FHIT: variants seen among roughly 807,000 people sequenced by gnomAD.
FHIT encodes the protein fragile histidine triad diadenosine triphosphatase, also known as bis(5'-adenosyl)-triphosphatase.
Under a neutral mutation model 17.9 loss-of-function variants are expected in FHIT, and 19 were observed. That is an observed-to-expected ratio of 1.06 (90% CI 0.74 to 1.56). FHIT has a LOEUF of 1.56. Ranked by LOEUF, FHIT falls within the 40% of genes most tolerant of loss-of-function variation. The pLI is 0.00. For synonymous variants in FHIT, 81 were observed against 69.7 expected (o/e 1.16, Z -0.81); for missense variants, 248 against 189.2 (o/e 1.31, Z -1.82).
At chr3:60,710,876 T>TCTGCAGAC (rs1462889430) in intron 4 of FHIT, among the ~76,000 whole-genome samples, 1 of 152,090 alleles carries the variant, frequency 6.6e-6, no homozygotes, top group Non-Finnish European at 1.5e-5. Flanking sequence ...AGCAGTAACC[T>TCTGCAGAC]CTGCAGACTT....
intron 8 of FHIT, among the ~76,000 whole-genome samples, chr3:59,885,550 C>T (rs757753671): frequency 6.0e-5 from 9 of 151,066 alleles, no homozygotes; most frequent in Non-Finnish European, 7.4e-5. Flanking sequence ...TATTGGATTT[C>T]GGTTTAGTAG....
At chr3:60,640,296 C>G (rs1206004108) in intron 4 of FHIT, among the ~76,000 whole-genome samples, 4 of 151,266 alleles carry the variant, frequency 2.6e-5, no homozygotes, top group Non-Finnish European at 5.9e-5. Flanking sequence ...CCCCAATAAG[C>G]TTTTTTTTTC....
intron 5 of FHIT, among the ~76,000 whole-genome samples, chr3:60,367,207 T>G (rs534718035): frequency 3.3e-5 from 5 of 152,342 alleles, no homozygotes; most frequent in Admixed American, 3.3e-4. Context: ...TATCATTAGT[T>G]CCTTTCAATT....
At chr3:60,177,312 G>T (rs933781331) in intron 5 of FHIT, among the ~76,000 whole-genome samples, 1 of 149,746 alleles carries the variant, frequency 6.7e-6, no homozygotes, top group African/African-American at 2.4e-5. Flanking sequence ...CCTAGAATTT[G>T]ATAGTCAGTT....
At chr3:60,848,743 C>G (rs897738507) in intron 3 of FHIT, among the ~76,000 whole-genome samples, 1 of 152,082 alleles carries the variant, frequency 6.6e-6, no homozygotes, top group Non-Finnish European at 1.5e-5. Flanking sequence ...TACACAATGT[C>G]TAGCAGGTGG....
intron 4 of FHIT, among the ~76,000 whole-genome samples, chr3:60,551,327 A>G (rs2107624383): frequency 2.0e-5 from 3 of 149,294 alleles, no homozygotes; most frequent in Non-Finnish European, 4.4e-5. Context: ...TTACTATTGT[A>G]CATTAAAAAT....
chr3:60,390,165 A>T (rs1163486745), intron 5 of FHIT, among the ~76,000 whole-genome samples: 2 of 152,148 alleles, frequency 1.3e-5, no homozygotes, highest in African/African-American at 4.8e-5. Flanking sequence ...ACTTGTTTTA[A>T]ATTTGTCAAA....
intron 3 of FHIT, among the ~76,000 whole-genome samples, chr3:60,837,129 T>C (rs1553744001): frequency 6.6e-6 from 1 of 152,074 alleles, no homozygotes; most frequent in East Asian, 1.9e-4. Context: ...GATTAGCCCC[T>C]GGAACTTCTA....
intron 5 of FHIT, among the ~76,000 whole-genome samples, chr3:60,043,272 C>G (rs1471027005): frequency 1.3e-5 from 2 of 152,206 alleles, no homozygotes; most frequent in East Asian, 1.9e-4. Flanking sequence ...GACATTAAAC[C>G]CATGATAATA....
At chr3:61,105,543 T>G (rs1228858085) in intron 2 of FHIT, among the ~76,000 whole-genome samples, 1 of 152,096 alleles carries the variant, frequency 6.6e-6, no homozygotes, top group Non-Finnish European at 1.5e-5. Context: ...TAAAAGTGAG[T>G]GACTTTTTTA....
At chr3:60,948,674 C>G (rs1708740952) in intron 3 of FHIT, among the ~76,000 whole-genome samples, 1 of 152,204 alleles carries the variant, frequency 6.6e-6, no homozygotes, top group Non-Finnish European at 1.5e-5. Flanking sequence ...ATTCCCAACT[C>G]TATTCACAAG....
chr3:60,453,061 A>G (rs1476825376), intron 5 of FHIT, among the ~76,000 whole-genome samples: 2 of 152,228 alleles, frequency 1.3e-5, no homozygotes, highest in East Asian at 1.9e-4. Flanking sequence ...GGAAATGCTA[A>G]AACAAAATTA....
intron 5 of FHIT, among the ~76,000 whole-genome samples, chr3:60,244,326 TAAAG>T (rs958744960): frequency 6.6e-6 from 1 of 151,954 alleles, no homozygotes; most frequent in Non-Finnish European, 1.5e-5. Context: ...TTCCATTAAA[TAAAG>T]AGAGAAGGAT....
intron 4 of FHIT, among the ~76,000 whole-genome samples, chr3:60,817,427 C>T (rs1701780023): frequency 6.6e-6 from 1 of 151,942 alleles, no homozygotes; most frequent in Admixed American, 6.6e-5. Context: ...ATAATAAATG[C>T]TCTTAGTTTC....
chr3:60,112,299 C>G (rs1038332345), intron 5 of FHIT, among the ~76,000 whole-genome samples: 2 of 152,138 alleles, frequency 1.3e-5, no homozygotes, highest in Admixed American at 6.5e-5. Context: ...GCCACTCCTC[C>G]TGAAGCTGTC....
intron 8 of FHIT, among the ~76,000 whole-genome samples, chr3:59,890,262 T>C (rs1453359828): frequency 2.6e-5 from 4 of 152,166 alleles, no homozygotes; most frequent in Non-Finnish European, 4.4e-5. Flanking sequence ...TGGTGGGAAT[T>C]AGATCTGCGT....
At chr3:59,943,135 C>T (rs776469499) in intron 7 of FHIT, among the ~76,000 whole-genome samples, 6 of 151,984 alleles carry the variant, frequency 3.9e-5, no homozygotes, top group Admixed American at 6.6e-5. Context: ...ATAGTTTTGC[C>T]GAGATCTTAC....
intron 4 of FHIT, among the ~76,000 whole-genome samples, chr3:60,712,194 G>A (rs1385988819): frequency 1.3e-5 from 2 of 152,102 alleles, no homozygotes; most frequent in African/African-American, 4.8e-5. Flanking sequence ...ATAAGTGAAG[G>A]AGAAATAAAA....
At chr3:60,761,751 T>C (rs1484924682) in intron 4 of FHIT, among the ~76,000 whole-genome samples, 21 of 151,614 alleles carry the variant, frequency 1.4e-4, no homozygotes, top group Non-Finnish European at 4.4e-5. Flanking sequence ...AGCTAGGACA[T>C]AATAAATAAT....
Sources: allele counts gnomAD v4.1 joint callset (sites outside exome capture counted in the v4.1 genomes callset), GRCh38; gene constraint gnomAD v4.1.1; transcripts MANE v1.5; gene names NCBI Gene and HGNC (gene_info 2026-07-23, HGNC 2026-07-21).